SCP2: variants seen among roughly 807,000 people sequenced by gnomAD.
SCP2 encodes the protein sterol carrier protein 2, also known as SCP-2/3-oxoacyl-CoA thiolase.
SCP2 carries 48 observed loss-of-function variants against 71.4 expected under a neutral mutation model. The ratio of observed to expected loss-of-function variants is 0.67; its 90% CI spans 0.53 to 0.86. SCP2 has a LOEUF of 0.86. SCP2 is among the 40% of genes least tolerant of loss of function. The probability of loss-of-function intolerance (pLI) is 0.00; values close to 1 mark genes in which losing one functional copy is unlikely to be tolerated. For missense variants in SCP2, 560 were observed against 655.6 expected (o/e 0.85, Z 1.59); for synonymous variants, 220 against 218.1 (o/e 1.01, Z -0.08).
intron 14 of SCP2, 30 bp downstream of exon 14, chr1:53,039,076 G>T (rs779047263): frequency 6.2e-7 from 1 of 1,613,580 alleles, no homozygotes; most frequent in African/African-American, 1.3e-5. Flanking sequence ...CATTCTAGGA[G>T]CACTGACGAG....
At chr1:52,942,515 G>A (rs1008757967) in intron 2 of SCP2, among the ~76,000 whole-genome samples, 1 of 151,934 alleles carries the variant, frequency 6.6e-6, no homozygotes, top group Admixed American at 6.6e-5. Flanking sequence ...CTGAGTTGTA[G>A]CAGAGAGATC....
rs149481433 is a variant in SCP2 at position 52,954,283 on chromosome 1, C to T, written c.332-457C>T. On this transcript the variant is annotated intron_variant, in intron 4 of 15. Coordinates refer to ENST00000371514, the MANE Select transcript of SCP2 (RefSeq NM_002979.5). The stretch of plus-strand genomic sequence containing the variant: ...GAGCTGTGAGCCTGCCACTATACTC[C>T]AATCTCGGTGACAGACTGAAACTTT... 9.3e-5 allele frequency among the ~76,000 whole-genome samples: 14 copies of T among 150,406 alleles called. No homozygotes were observed. The East Asian group carries it at 2.5e-3, about 27-fold the overall frequency.
In SCP2 at chr1:52,978,294, C is replaced by G. The variant is rs771343266; in HGVS notation, c.752C>G (p.Ala251Gly). The change falls in exon 9 of 16, where the codon GCT becomes GGT. Residue 251 changes from alanine (A) to glycine (G), a missense_variant. This residue lies in a region of SCP2 where 513 missense variants were observed against 573.1 expected (regional missense o/e 0.90). Transcript: ENST00000371514. ...CAGAAGTATGGCCTGCAATCCAAAG[C>G]TGTGGAAATTTTGGCACAAGAAATG... ...FVQKYGLQSK[A>G]VEILAQEMMT... 1.9e-6 allele frequency: 3 copies of G among 1,613,986 alleles called. No homozygotes were observed. The highest frequency in any genetic ancestry group is 1.7e-6 in the Non-Finnish European group (2 of 1,179,884).
At chr1:52,967,046 C>T (rs1041251081) in intron 6 of SCP2, among the ~76,000 whole-genome samples, 4 of 151,590 alleles carry the variant, frequency 2.6e-5, no homozygotes, top group African/African-American at 9.7e-5. Context: ...AAAAATTAGT[C>T]AGGCATGGTG....
intron 11 of SCP2, chr1:52,993,566 T>C (rs1659695385): frequency 1.9e-6 from 3 of 1,612,116 alleles, no homozygotes; most frequent in Non-Finnish European, 8.5e-7. Flanking sequence ...AGTCCTCATA[T>C]ACTGTTCTCT....
chr1:53,019,882 C>T (rs1360187341), intron 12 of SCP2, among the ~76,000 whole-genome samples: 14 of 151,934 alleles, frequency 9.2e-5, no homozygotes, highest in Non-Finnish European at 1.5e-4. Context: ...CTAGAGTTAC[C>T]GGAGACAGAT....
chr1:52,994,425 T>C (rs1444577286), intron 11 of SCP2: 1 of 316,280 alleles, frequency 3.2e-6, no homozygotes, highest in Admixed American at 6.2e-5. Flanking sequence ...TTTGCTTGAT[T>C]GCCATTATTA....
intron 1 of SCP2, among the ~76,000 whole-genome samples, chr1:52,930,321 A>C (rs1274925511): frequency 7.6e-6 from 1 of 131,244 alleles, no homozygotes; most frequent in African/African-American, 3.4e-5. Context: ...GTATATCTTA[A>C]AAAAAAAAAA....
At chr1:53,006,987 T>C (rs1480650547) in intron 11 of SCP2, among the ~76,000 whole-genome samples, 1 of 152,088 alleles carries the variant, frequency 6.6e-6, no homozygotes, top group Non-Finnish European at 1.5e-5. Flanking sequence ...AATCCTAGTC[T>C]CTGATAAAAC....
chr1:53,001,139 G>C (rs1235463431), intron 11 of SCP2, among the ~76,000 whole-genome samples: 1 of 151,860 alleles, frequency 6.6e-6, no homozygotes, highest in Non-Finnish European at 1.5e-5. Flanking sequence ...GGATATACAA[G>C]GTAACTACTA....
chr1:52,939,619 G>T (rs976406859), intron 1 of SCP2, among the ~76,000 whole-genome samples: 1 of 152,170 alleles, frequency 6.6e-6, no homozygotes, highest in East Asian at 1.9e-4. Flanking sequence ...ACTCCTTTGG[G>T]TAAATGCCAA....
At chr1:52,986,251 A>G (rs1014713611) in intron 10 of SCP2, among the ~76,000 whole-genome samples, 3 of 152,228 alleles carry the variant, frequency 2.0e-5, no homozygotes, top group Non-Finnish European at 4.4e-5. Flanking sequence ...TTAATACTTT[A>G]CAAGATTGTA....
intron 1 of SCP2, among the ~76,000 whole-genome samples, chr1:52,933,844 A>G (rs892683020): frequency 1.3e-5 from 2 of 152,184 alleles, no homozygotes; most frequent in Non-Finnish European, 2.9e-5. Flanking sequence ...TGCCATTTTC[A>G]TTGTATGTTG....
intron 4 of SCP2, among the ~76,000 whole-genome samples, chr1:52,952,392 A>G (rs1172182304): frequency 1.3e-5 from 2 of 152,132 alleles, no homozygotes; most frequent in East Asian, 3.9e-4. Flanking sequence ...TACAAGAAAA[A>G]TAAAAAATAA....
chr1:52,991,468 T>C (rs983145109), intron 11 of SCP2, among the ~76,000 whole-genome samples: 5 of 152,158 alleles, frequency 3.3e-5, no homozygotes, highest in African/African-American at 1.2e-4. Context: ...TAGCGCGATC[T>C]TGGCTCACTG....
At chr1:52,970,521 C>A (rs1657371778) in intron 6 of SCP2, among the ~76,000 whole-genome samples, 1 of 152,062 alleles carries the variant, frequency 6.6e-6, no homozygotes. Flanking sequence ...CAAAAGGGAC[C>A]TTGCCCTTTC....
At chr1:53,004,831 C>A (rs1023464032) in intron 11 of SCP2, among the ~76,000 whole-genome samples, 43 of 152,120 alleles carry the variant, frequency 2.8e-4, no homozygotes, top group Non-Finnish European at 4.7e-4. Context: ...AGGGCATTGC[C>A]TCACCCGGGA....
At chr1:53,010,469 T>A (rs931485280) in intron 11 of SCP2, among the ~76,000 whole-genome samples, 1 of 152,162 alleles carries the variant, frequency 6.6e-6, no homozygotes, top group Non-Finnish European at 1.5e-5. Flanking sequence ...TGAGTTCATG[T>A]CCTTTGTAGG....
chr1:53,043,204 A>G (rs1052730992), intron 14 of SCP2, among the ~76,000 whole-genome samples: 16 of 152,234 alleles, frequency 1.1e-4, no homozygotes, highest in Non-Finnish European at 1.6e-4. Flanking sequence ...TGAGAGTCCA[A>G]TGGTCTTATC....
Sources: gnomAD v4.1 joint callset for allele counts (sites outside exome capture counted in the v4.1 genomes callset) on GRCh38, gnomAD v4.1.1 for gene constraint, gnomAD v4.1.1 regional missense constraint, MANE v1.5 for transcripts, NCBI Gene and HGNC (gene_info 2026-07-23, HGNC 2026-07-21) for gene names.